The following VPS13C variants were observed in gnomAD, a reference collection of about 807,000 sequenced individuals.
VPS13C encodes the protein vacuolar protein sorting 13 homolog C.
A neutral mutation model predicts 456.8 loss-of-function variants in VPS13C; 358 were observed. The observed-to-expected ratio is 0.78, with a 90% confidence interval of 0.72 to 0.86. The LOEUF (loss-of-function observed/expected upper bound fraction) is 0.86. Ranked by LOEUF, VPS13C falls within the 40% of genes least tolerant of loss-of-function variation. VPS13C has a pLI of 0.00. For missense variants in VPS13C, 4,818 were observed against 4,385.4 expected, an observed-to-expected ratio of 1.10 and a Z score of -2.79; for synonymous variants, 1,578 against 1,486.7, an observed-to-expected ratio of 1.06 and a Z score of -1.41.
rs1196584648 is a variant in VPS13C, at chr15:61,951,807, C to T, written c.4456+17G>A. On this transcript the variant is annotated intron_variant, in intron 39 of 84. Coordinates refer to ENST00000644861, the MANE Select transcript of VPS13C (RefSeq NM_020821.3). ...CTGCCTAATGAATAATTTACACAGACAATATTTCACACTTACCAGTGAAAT... is the reference window on the plus strand; with the variant it reads ...CTGCCTAATGAATAATTTACACAGATAATATTTCACACTTACCAGTGAAAT... 6.3e-7 allele frequency: 1 copy of T among 1,599,586 alleles called. No homozygotes were observed. The highest frequency in any genetic ancestry group is 2.2e-5 in the East Asian group (1 of 44,602).
At chr15:61,959,305 T>C (rs900894906) in intron 36 of VPS13C, 143 bp downstream of exon 36, 1 of 677,462 alleles carries the variant, frequency 1.5e-6, no homozygotes, top group Non-Finnish European at 2.3e-6. Flanking sequence ...CTGAAAATAA[T>C]AATGATCTTG....
intron 1 of VPS13C, among the ~76,000 whole-genome samples, chr15:62,051,249 C>T (rs2048607551): frequency 6.6e-6 from 1 of 152,178 alleles, no homozygotes; most frequent in South Asian, 2.1e-4. Context: ...AGAGTAGGTA[C>T]TCGATAAATA....
intron 66 of VPS13C, among the ~76,000 whole-genome samples, chr15:61,894,957 C>G (rs1387682152): frequency 1.3e-5 from 2 of 152,032 alleles, no homozygotes; most frequent in Non-Finnish European, 2.9e-5. Context: ...CTGCACATGG[C>G]CCATATGGTA....
rs1198023621 is a variant in VPS13C at position 61,868,705 on chromosome 15, A to C, written c.10817T>G (p.Ile3606Ser). The C allele has an allele frequency of 6.2e-7, 1 of 1,614,168 alleles. No homozygotes were observed. The highest frequency in any genetic ancestry group is 8.5e-7 in the Non-Finnish European group (1 of 1,180,020). Reference protein sequence around the residue: ...PPRLIHEDGIIRPYDRQESEG... With the variant: ...PPRLIHEDGISRPYDRQESEG... ...AGATTCCTGTCTGTCATAAGGACGA[A>C]TGATGCCATCTTCATGGATCAGGCG... The change falls in exon 81 of 85, where the codon ATT becomes AGT. Residue 3606 changes from isoleucine (I) to serine (S), a missense_variant. By Grantham distance (142) the Ile-to-Ser change is moderately radical. Around this residue, in one of 3 missense-constraint regions of VPS13C, gnomAD observed 261 missense variants for 234.1 expected, o/e 1.11. Transcript: ENST00000644861.
At chr15:61,958,780 G>T in intron 36 of VPS13C, 64 bp from the exon 37 acceptor site, 2 of 874,004 alleles carry the variant, frequency 2.3e-6, no homozygotes, top group Non-Finnish European at 3.3e-6. Context: ...TTTTAATACA[G>T]AAAATAAATT....
intron 66 of VPS13C, among the ~76,000 whole-genome samples, chr15:61,899,068 A>G (rs1461304407): frequency 1.8e-5 from 1 of 55,078 alleles, no homozygotes; most frequent in African/African-American, 7.2e-5. Context: ...GAACAAAGAC[A>G]CAACATACCA....
intron 55 of VPS13C, among the ~76,000 whole-genome samples, chr15:61,921,389 G>C (rs1406033346): frequency 6.6e-6 from 1 of 151,820 alleles, no homozygotes; most frequent in Non-Finnish European, 1.5e-5. Context: ...TCAGTATCTA[G>C]GTTTCTGAGG....
intron 64 of VPS13C, 105 bp downstream of exon 64, chr15:61,910,072 C>T (rs1273058750): frequency 5.2e-6 from 3 of 574,378 alleles, no homozygotes; most frequent in Non-Finnish European, 6.8e-6. Flanking sequence ...CACATGTATA[C>T]ATATGTAACA....
chr15:62,008,641 A>T lies in VPS13C; in HGVS notation c.1118+14T>A, dbSNP rs1482024415. ...ATATGTTCCTCACAAAACAAAAAACAAATTCTAACTTACCATCGTCGACCA... is the reference window on the plus strand; with the variant it reads ...ATATGTTCCTCACAAAACAAAAAACTAATTCTAACTTACCATCGTCGACCA... On this transcript the variant is annotated intron_variant, in intron 14 of 84. Coordinates refer to ENST00000644861, the MANE Select transcript of VPS13C (RefSeq NM_020821.3). 1.9e-6 allele frequency: 3 copies of T among 1,570,186 alleles called. No homozygotes were observed. The highest frequency in any genetic ancestry group is 2.6e-6 in the Non-Finnish European group (3 of 1,155,174).
Position 61,969,406 on chromosome 15 carries a change from A to G in VPS13C, c.2804T>C (p.Leu935Pro), listed in dbSNP as rs1330969490. 6.3e-7 allele frequency: 1 copy of G among 1,582,392 alleles called. No homozygotes were observed. The highest frequency in any genetic ancestry group is 8.6e-7 in the Non-Finnish European group (1 of 1,162,778). The change falls in exon 28 of 85, where the codon CTA becomes CCA. Residue 935 changes from leucine (L) to proline (P), a missense_variant. By Grantham distance (98) the Leu-to-Pro change is moderately conservative. Around this residue, in one of 3 missense-constraint regions of VPS13C, gnomAD observed 4,552 missense variants for 4,130.6 expected, o/e 1.10. Transcript: ENST00000644861. ...TKQQKEEDTILVFNVTQLGTE... is the reference protein window; with the variant it reads ...TKQQKEEDTIPVFNVTQLGTE... The stretch of plus-strand genomic sequence containing the variant: ...TCCTAACTGAGTAACATTAAATACT[A>G]GAATTGTATCTTCTTCTTTCTGCTG...
chr15:61,921,941 C>G lies in VPS13C; in HGVS notation c.7062+6G>C. The G allele has an allele frequency of 3.1e-6, 5 of 1,611,362 alleles. No homozygotes were observed. Among genetic ancestry groups the G allele is most frequent in the Non-Finnish European group, 4.2e-6 (5 of 1,177,902 alleles). On this transcript the variant is annotated splice_donor_region_variant and intron_variant, in intron 55 of 84. Coordinates refer to ENST00000644861, the MANE Select transcript of VPS13C (RefSeq NM_020821.3). ...TCTATCCAAAGATATTTTAAGATTTCCTTACATCAAGCCTTAAATTCCATT... is the reference window on the plus strand; with the variant it reads ...TCTATCCAAAGATATTTTAAGATTTGCTTACATCAAGCCTTAAATTCCATT...
At chr15:61,952,056 A>G in intron 38 of VPS13C, 76 bp from the exon 39 acceptor site, 1 of 1,486,632 alleles carries the variant, frequency 6.7e-7, no homozygotes, top group Non-Finnish European at 9.1e-7. Flanking sequence ...TTTAATAAGT[A>G]TCCAGAGTGA....
intron 35 of VPS13C, among the ~76,000 whole-genome samples, chr15:61,960,185 T>G (rs2045146267): frequency 1.3e-5 from 2 of 152,148 alleles, no homozygotes; most frequent in Admixed American, 1.3e-4. Context: ...AATGTGTAAG[T>G]TCAATCAAAC....
chr15:61,943,402 A>G (rs2044494566), intron 45 of VPS13C, among the ~76,000 whole-genome samples: 1 of 152,202 alleles, frequency 6.6e-6, no homozygotes, highest in Non-Finnish European at 1.5e-5. Context: ...ACAGCATGGT[A>G]CTGGTACAAA....
chr15:62,009,555 A>G (rs1412554977), intron 13 of VPS13C, among the ~76,000 whole-genome samples: 1 of 152,186 alleles, frequency 6.6e-6, no homozygotes, highest in African/African-American at 2.4e-5. Flanking sequence ...TATGATTAAT[A>G]TTTTGGAAAT....
At chr15:61,901,704 C>G (rs1456360425) in intron 66 of VPS13C, among the ~76,000 whole-genome samples, 2 of 151,660 alleles carry the variant, frequency 1.3e-5, no homozygotes, top group Non-Finnish European at 2.9e-5. Flanking sequence ...GTCAGTGTGG[C>G]GATTCCTCAG....
intron 1 of VPS13C, among the ~76,000 whole-genome samples, chr15:62,045,923 G>T (rs866834798): frequency 1.2e-4 from 18 of 152,098 alleles, no homozygotes; most frequent in African/African-American, 4.3e-4. Context: ...AGAATGCCCA[G>T]ATTGACCTAA....
Position 61,959,599 on chromosome 15 carries a change from C to A in VPS13C, c.3909-4G>T, listed in dbSNP as rs1057154957. 6.2e-7 allele frequency: 1 copy of A among 1,604,780 alleles called. No homozygotes were observed. Among genetic ancestry groups the A allele is most frequent in the East Asian group, 2.2e-5 (1 of 44,724 alleles). The stretch of plus-strand genomic sequence containing the variant: ...GATGCCTGGCTGGATCACTGTCCTA[C>A]GAAAAACAGAAATGTTACATAATGC... On this transcript the variant is annotated splice_polypyrimidine_tract_variant and splice_region_variant and intron_variant, in intron 35 of 84. Coordinates refer to ENST00000644861, the MANE Select transcript of VPS13C (RefSeq NM_020821.3).
chr15:61,854,714 C>A (rs546299639), intron 84 of VPS13C, among the ~76,000 whole-genome samples, 156 bp from the exon 85 acceptor site: 12 of 152,162 alleles, frequency 7.9e-5, no homozygotes, highest in Non-Finnish European at 5.9e-5. Flanking sequence ...AAATAAGACC[C>A]TTGCACCCGA....
Sources: allele counts gnomAD v4.1 joint callset (sites outside exome capture counted in the v4.1 genomes callset), GRCh38; gene constraint gnomAD v4.1.1; regional missense constraint gnomAD v4.1.1; transcripts MANE v1.5; gene names NCBI Gene and HGNC (gene_info 2026-07-23, HGNC 2026-07-21).